The following SWT1 variants were observed in gnomAD, a reference collection of about 807,000 sequenced individuals.
SWT1 encodes the protein SWT1 RNA endoribonuclease homolog, also known as transcriptional protein SWT1.
In SWT1, 33 loss-of-function variants were observed where a neutral mutation model predicts 107.3. That is an observed-to-expected ratio of 0.31 (90% CI 0.23 to 0.41). SWT1 has a LOEUF of 0.41. Among genes scored for constraint, SWT1 ranks in the 10% least tolerant of loss-of-function variants. SWT1 has a pLI of 1.00. For missense variants in SWT1, 898 were observed against 1,028.9 expected (o/e 0.87, Z 1.74); for synonymous variants, 345 against 348.3 (o/e 0.99, Z 0.11).
chr1:185,222,755 G>A (rs1029483530), intron 15 of SWT1, among the ~76,000 whole-genome samples: 5 of 97,336 alleles, frequency 5.1e-5, no homozygotes, highest in African/African-American at 9.3e-5. Flanking sequence ...AAAGCAAGAC[G>A]CCATCTCAAA....
chr1:185,225,212 T>A (rs974741327), intron 15 of SWT1, among the ~76,000 whole-genome samples: 2 of 152,190 alleles, frequency 1.3e-5, no homozygotes, highest in African/African-American at 4.8e-5. Flanking sequence ...TAATGTGGTT[T>A]ATCACATTTA....
intron 15 of SWT1, among the ~76,000 whole-genome samples, chr1:185,228,113 G>A (rs1180702536): frequency 1.4e-5 from 2 of 147,996 alleles, no homozygotes; most frequent in African/African-American, 5.0e-5. Flanking sequence ...TATCAAAAAA[G>A]TCTGGGAACC....
chr1:185,221,017 A>G (rs969349744), intron 14 of SWT1, among the ~76,000 whole-genome samples: 54 of 151,466 alleles, frequency 3.6e-4, no homozygotes, highest in African/African-American at 1.3e-3. Context: ...AAGAAGGTTC[A>G]GTCTACTTAG....
At chr1:185,169,120 C>T (rs997717582) in intron 4 of SWT1, among the ~76,000 whole-genome samples, 5 of 152,118 alleles carry the variant, frequency 3.3e-5, no homozygotes, top group Admixed American at 6.5e-5. Context: ...AAATTCAACT[C>T]GCCTCTGTCT....
At chr1:185,186,420 A>G (rs1200884462) in intron 9 of SWT1, among the ~76,000 whole-genome samples, 1 of 152,174 alleles carries the variant, frequency 6.6e-6, no homozygotes, top group East Asian at 1.9e-4. Context: ...CTAGAAATGT[A>G]TCCAAAAAAA....
chr1:185,239,069 A>G (rs969370343), intron 16 of SWT1, among the ~76,000 whole-genome samples: 1 of 152,094 alleles, frequency 6.6e-6, no homozygotes, highest in Non-Finnish European at 1.5e-5. Flanking sequence ...GATCATATAT[A>G]GTGTTATATT....
At chr1:185,279,020 C>G (rs1387055648) in intron 18 of SWT1, among the ~76,000 whole-genome samples, 1 of 152,136 alleles carries the variant, frequency 6.6e-6, no homozygotes, top group Non-Finnish European at 1.5e-5. Flanking sequence ...GAAAGTTCAC[C>G]AACTCATTAG....
At chr1:185,181,713 A>C (rs1571433787) in intron 6 of SWT1, among the ~76,000 whole-genome samples, 1 of 152,252 alleles carries the variant, frequency 6.6e-6, no homozygotes, top group East Asian at 1.9e-4. Context: ...ACTGAGACCC[A>C]AAGTTGTTAA....
chr1:185,254,576 TG>T (rs1407104708), intron 16 of SWT1, among the ~76,000 whole-genome samples: 57 of 150,126 alleles, frequency 3.8e-4, no homozygotes, highest in African/African-American at 1.4e-3. Flanking sequence ...TAGAGGTGTT[TG>T]TAGTATTCTC....
At chr1:185,227,268 C>T (rs1660138826) in intron 15 of SWT1, 1 of 757,260 alleles carries the variant, frequency 1.3e-6, no homozygotes, top group South Asian at 1.3e-5. Flanking sequence ...ATCCAAATAG[C>T]AGGTAAAGGC....
rs142119499 is a variant in SWT1, at chr1:185,250,668, A to T, written c.2441+18960A>T. Among the ~76,000 whole-genome samples, 306 of 152,130 alleles carry T rather than the reference A, an allele frequency of 2.0e-3. 2 individuals are homozygous for T. In the East Asian group the frequency reaches 0.026, roughly 13 times the overall value. ...ATTTAATTTAATTTTAATTTAATTT[A>T]ATTTTATTTTTTGAGATGGAGTCTT... On this transcript the variant is annotated intron_variant, in intron 16 of 18. Transcript: ENST00000367500.
chr1:185,215,928 T>C (rs547746550), intron 14 of SWT1, among the ~76,000 whole-genome samples: 23 of 152,290 alleles, frequency 1.5e-4, no homozygotes, highest in South Asian at 4.1e-4. Flanking sequence ...AAAAGAGATA[T>C]TAATGGAACT....
At chr1:185,244,448 G>A (rs924435971) in intron 16 of SWT1, among the ~76,000 whole-genome samples, 8 of 151,990 alleles carry the variant, frequency 5.3e-5, no homozygotes, top group Non-Finnish European at 8.8e-5. Context: ...CTAAACATAC[G>A]TAAACATAGA....
At chr1:185,191,881 C>T (rs894167168) in intron 10 of SWT1, among the ~76,000 whole-genome samples, 2 of 152,084 alleles carry the variant, frequency 1.3e-5, no homozygotes, top group African/African-American at 2.4e-5. Context: ...TTTTTAGCGA[C>T]TGAAAATTTA....
At chr1:185,193,951 G>T (rs756159753) in intron 10 of SWT1, among the ~76,000 whole-genome samples, 28 of 152,228 alleles carry the variant, frequency 1.8e-4, no homozygotes, top group Admixed American at 9.8e-4. Flanking sequence ...CAGGCAAAAA[G>T]ATAGAAACTT....
At chr1:185,273,903 C>T (rs930109808) in intron 17 of SWT1, among the ~76,000 whole-genome samples, 6 of 151,848 alleles carry the variant, frequency 4.0e-5, no homozygotes, top group Non-Finnish European at 7.4e-5. Context: ...ACTCAGGAGG[C>T]TGGAGGTGGG....
chr1:185,189,491 G>T (rs1411119918), intron 9 of SWT1, among the ~76,000 whole-genome samples: 1 of 152,150 alleles, frequency 6.6e-6, no homozygotes, highest in Non-Finnish European at 1.5e-5. Flanking sequence ...TAGTTTAGCT[G>T]CGGTAGAACA....
At chr1:185,211,309 T>G (rs1658783594) in intron 13 of SWT1, among the ~76,000 whole-genome samples, 1 of 152,142 alleles carries the variant, frequency 6.6e-6, no homozygotes, top group Non-Finnish European at 1.5e-5. Context: ...AAGGCTACAG[T>G]AACAAAAACA....
In SWT1 at chr1:185,190,415, C is replaced by T; in HGVS notation, c.1430-134C>T. 8 of 574,986 alleles carry T rather than the reference C, an allele frequency of 1.4e-5. No homozygotes were observed. The South Asian group carries it at 1.4e-4, about 10-fold the overall frequency. 35.6% of individuals were successfully genotyped at this position (574,986 alleles called of 1,614,324 possible). On this transcript the variant is annotated intron_variant, in intron 9 of 18. Coordinates refer to ENST00000367500, the MANE Select transcript of SWT1 (RefSeq NM_017673.7). ...GGACAAATGTATAATGACGTGTGTCCACCATCATAGTATCATACCTTAACT... is the reference window on the plus strand; with the variant it reads ...GGACAAATGTATAATGACGTGTGTCTACCATCATAGTATCATACCTTAACT...
Sources: allele counts gnomAD v4.1 joint callset (sites outside exome capture counted in the v4.1 genomes callset), GRCh38; gene constraint gnomAD v4.1.1; transcripts MANE v1.5; gene names NCBI Gene and HGNC (gene_info 2026-07-23, HGNC 2026-07-21).